CTNND2: variants seen among roughly 807,000 people sequenced by gnomAD.
CTNND2 encodes the protein catenin delta-2.
A neutral mutation model predicts 144.4 loss-of-function variants in CTNND2; 22 were observed. The ratio of observed to expected loss-of-function variants is 0.15; its 90% CI spans 0.11 to 0.22. The LOEUF is 0.22. Among genes scored for constraint, CTNND2 ranks in the 10% least tolerant of loss-of-function variants. The pLI is 1.00. For missense variants in CTNND2, 1,353 were observed against 1,618.8 expected (o/e 0.84, Z 2.82); for synonymous variants, 751 against 695.6 (o/e 1.08, Z -1.25).
At chr5:11,076,203 C>T (rs1561265055) in intron 16 of CTNND2, among the ~76,000 whole-genome samples, 1 of 152,080 alleles carries the variant, frequency 6.6e-6, no homozygotes, top group East Asian at 1.9e-4. Flanking sequence ...TAGGTGCTGC[C>T]CACTTCAGCT....
chr5:11,849,659 TG>T (rs2127001532), intron 1 of CTNND2, among the ~76,000 whole-genome samples: 1 of 152,320 alleles, frequency 6.6e-6, no homozygotes, highest in Admixed American at 6.5e-5. Context: ...GTTAACAAAG[TG>T]GCTGTTAAAC....
At chr5:11,659,829 C>T (rs1367895254) in intron 2 of CTNND2, among the ~76,000 whole-genome samples, 1 of 152,120 alleles carries the variant, frequency 6.6e-6, no homozygotes, top group Non-Finnish European at 1.5e-5. Context: ...CTATTTATGT[C>T]ATGAGTGTAC....
intron 6 of CTNND2, among the ~76,000 whole-genome samples, chr5:11,387,959 AG>A (rs1333949742): frequency 6.6e-6 from 1 of 152,184 alleles, no homozygotes; most frequent in Non-Finnish European, 1.5e-5. Flanking sequence ...AGGTGTACTA[AG>A]TGCTGAATAC....
At chr5:11,258,789 T>A (rs1190610584) in intron 9 of CTNND2, among the ~76,000 whole-genome samples, 1 of 152,228 alleles carries the variant, frequency 6.6e-6, no homozygotes. Flanking sequence ...TTAGATTTCA[T>A]AAAGTCTTGT....
chr5:11,458,928 TTTC>T (rs1403982268), intron 3 of CTNND2, among the ~76,000 whole-genome samples: 2 of 149,786 alleles, frequency 1.3e-5, no homozygotes, highest in African/African-American at 5.1e-5. Context: ...ACCACGACTG[TTTC>T]TTTTCTTTTT....
intron 3 of CTNND2, among the ~76,000 whole-genome samples, chr5:11,541,846 C>CCT (rs1554080466): frequency 6.9e-5 from 10 of 145,462 alleles, no homozygotes; most frequent in African/African-American, 2.4e-4. Flanking sequence ...CGACCCCCCC[C>CCT]CCCCGGCCAA....
At chr5:11,064,220 G>C (rs542868870) in intron 16 of CTNND2, among the ~76,000 whole-genome samples, 1 of 152,250 alleles carries the variant, frequency 6.6e-6, no homozygotes, top group South Asian at 2.1e-4. Flanking sequence ...ATACCAGCTT[G>C]TTTCAGCCAA....
chr5:11,678,516 A>G (rs1784279070), intron 2 of CTNND2, among the ~76,000 whole-genome samples: 1 of 152,170 alleles, frequency 6.6e-6, no homozygotes. Flanking sequence ...AGGAGGACTA[A>G]TTAATGCTCT....
At chr5:11,449,429 T>C (rs919314626) in intron 3 of CTNND2, among the ~76,000 whole-genome samples, 3 of 152,208 alleles carry the variant, frequency 2.0e-5, no homozygotes, top group Non-Finnish European at 1.5e-5. Flanking sequence ...TTGGCTGCTC[T>C]GCTGTCCAAC....
At chr5:11,657,050 T>C (rs960953418) in intron 2 of CTNND2, among the ~76,000 whole-genome samples, 2 of 152,042 alleles carry the variant, frequency 1.3e-5, no homozygotes, top group Non-Finnish European at 2.9e-5. Flanking sequence ...GAAGAATGTG[T>C]CTCAACAGCT....
At chr5:10,985,139 C>T (rs1579950230) in intron 20 of CTNND2, among the ~76,000 whole-genome samples, 1 of 151,754 alleles carries the variant, frequency 6.6e-6, no homozygotes, top group Admixed American at 6.6e-5. Context: ...AAGAAAGACA[C>T]TGACAAAAAA....
At chr5:11,245,391 G>A (rs575828142) in intron 9 of CTNND2, among the ~76,000 whole-genome samples, 2 of 152,300 alleles carry the variant, frequency 1.3e-5, no homozygotes, top group East Asian at 3.9e-4. Flanking sequence ...ATGATCCTCG[G>A]TTAGCCAGTG....
At chr5:11,292,133 A>T (rs1187837036) in intron 9 of CTNND2, among the ~76,000 whole-genome samples, 3 of 152,160 alleles carry the variant, frequency 2.0e-5, no homozygotes, top group African/African-American at 7.2e-5. Context: ...TTGCCATGTA[A>T]TAACGACAAT....
At chr5:11,585,855 G>A (rs141949163) in intron 2 of CTNND2, among the ~76,000 whole-genome samples, 34 of 152,264 alleles carry the variant, frequency 2.2e-4, no homozygotes, top group South Asian at 1.9e-3. Context: ...TGAGGAGAAA[G>A]GAGGGGCTAG....
intron 19 of CTNND2, among the ~76,000 whole-genome samples, chr5:10,989,003 G>A (rs990379038): frequency 6.6e-6 from 1 of 152,218 alleles, no homozygotes; most frequent in African/African-American, 2.4e-5. Context: ...CATTTCTAAA[G>A]TGCTGGGTTG....
intron 9 of CTNND2, among the ~76,000 whole-genome samples, chr5:11,264,760 T>C (rs1430839604): frequency 6.6e-6 from 1 of 152,124 alleles, no homozygotes; most frequent in African/African-American, 2.4e-5. Flanking sequence ...GGAAACCCTG[T>C]CTGTACTAAA....
At chr5:11,804,213 A>G (rs1348196371) in intron 1 of CTNND2, among the ~76,000 whole-genome samples, 1 of 152,198 alleles carries the variant, frequency 6.6e-6, no homozygotes, top group African/African-American at 2.4e-5. Flanking sequence ...GTTACTGTCG[A>G]GGATACAGCA....
intron 10 of CTNND2, among the ~76,000 whole-genome samples, chr5:11,205,063 T>A (rs987573482): frequency 1.3e-5 from 2 of 152,236 alleles, no homozygotes; most frequent in Admixed American, 1.3e-4. Flanking sequence ...CAGGAATCTT[T>A]CATTTTAATA....
At chr5:11,435,380 G>C (rs967006769) in intron 3 of CTNND2, among the ~76,000 whole-genome samples, 2 of 151,880 alleles carry the variant, frequency 1.3e-5, no homozygotes, top group African/African-American at 4.8e-5. Context: ...CTGACCTCGT[G>C]ATCCGCCCTC....
Sources: gnomAD v4.1 joint callset for allele counts (sites outside exome capture counted in the v4.1 genomes callset) on GRCh38, gnomAD v4.1.1 for gene constraint, MANE v1.5 for transcripts, NCBI Gene and HGNC (gene_info 2026-07-23, HGNC 2026-07-21) for gene names.